GDI2: variants seen among roughly 807,000 people sequenced by gnomAD.
GDI2 encodes the protein GDP dissociation inhibitor 2.
In GDI2, 22 loss-of-function variants were observed where a neutral mutation model predicts 54.2. That is an observed-to-expected ratio of 0.41 (90% CI 0.29 to 0.58). GDI2 has a LOEUF of 0.58. Among genes scored for constraint, GDI2 ranks in the 20% least tolerant of loss-of-function variants. GDI2 has a pLI of 0.35. For synonymous variants in GDI2, 177 were observed against 182.1 expected (o/e 0.97, Z 0.23); for missense variants, 422 against 546.0 (o/e 0.77, Z 2.26).
intron 6 of GDI2, among the ~76,000 whole-genome samples, chr10:5,781,431 T>A (rs1446921551): frequency 6.7e-6 from 1 of 150,258 alleles, no homozygotes; most frequent in African/African-American, 2.5e-5. Context: ...ATCGACACCA[T>A]CCCGGCTAAC....
At chr10:5,803,478 A>G (rs1172519549) in intron 1 of GDI2, among the ~76,000 whole-genome samples, 1 of 152,198 alleles carries the variant, frequency 6.6e-6, no homozygotes, top group Non-Finnish European at 1.5e-5. Flanking sequence ...GTTAACATGT[A>G]ATCGGTTTAT....
intron 2 of GDI2, among the ~76,000 whole-genome samples, chr10:5,798,519 G>A (rs2131712334): frequency 6.6e-6 from 1 of 151,792 alleles, no homozygotes; most frequent in Non-Finnish European, 1.5e-5. Context: ...AGCCTAGGAG[G>A]TGGAGGTTGC....
chr10:5,791,276 G>A (rs1370071815), intron 4 of GDI2, among the ~76,000 whole-genome samples: 1 of 152,132 alleles, frequency 6.6e-6, no homozygotes, highest in Admixed American at 6.5e-5. Flanking sequence ...GCCAGAGCAA[G>A]AGTGAGACCC....
chr10:5,780,057 A>C (rs1431571223), intron 6 of GDI2, among the ~76,000 whole-genome samples: 2 of 152,044 alleles, frequency 1.3e-5, no homozygotes, highest in Non-Finnish European at 2.9e-5. Context: ...CAAAATACAA[A>C]AGTTAGCCAG....
At chr10:5,809,244 C>CAAAAAAAAAACAA (rs1554791052) in intron 1 of GDI2, among the ~76,000 whole-genome samples, 2 of 134,170 alleles carry the variant, frequency 1.5e-5, no homozygotes, top group African/African-American at 2.8e-5. Flanking sequence ...GACTCCATCT[C>CAAAAAAAAAACAA]AAAAAAAAAC....
chr10:5,800,727 T>C (rs748250280), intron 1 of GDI2, 22 bp from the exon 2 acceptor site: 8 of 1,195,774 alleles, frequency 6.7e-6, no homozygotes, highest in Non-Finnish European at 1.0e-5. Context: ...GCATAGTACC[T>C]TGAAAAGAAA....
chr10:5,772,635 T>C (rs979623840), intron 7 of GDI2, among the ~76,000 whole-genome samples: 4 of 152,118 alleles, frequency 2.6e-5, no homozygotes, highest in African/African-American at 9.7e-5. Flanking sequence ...CATGCATCTG[T>C]AATTCCAGCT....
At chr10:5,775,249 C>CT (rs1378561266) in intron 6 of GDI2, among the ~76,000 whole-genome samples, 3 of 152,022 alleles carry the variant, frequency 2.0e-5, no homozygotes, top group African/African-American at 7.2e-5. Context: ...GATCACACCA[C>CT]TGCACTCCAG....
intron 1 of GDI2, 76 bp from the exon 2 acceptor site, chr10:5,800,781 C>A: frequency 2.6e-6 from 2 of 771,310 alleles, no homozygotes; most frequent in Admixed American, 1.7e-5. Context: ...TCAAGCCTGC[C>A]ATTACACATT....
At chr10:5,812,286 G>A (rs946535487) in intron 1 of GDI2, among the ~76,000 whole-genome samples, 1 of 151,166 alleles carries the variant, frequency 6.6e-6, no homozygotes, top group Non-Finnish European at 1.5e-5. Flanking sequence ...AGTTCCCTTA[G>A]AAACAGATAA....
intron 1 of GDI2, among the ~76,000 whole-genome samples, chr10:5,808,156 G>A (rs1295784364): frequency 1.3e-5 from 2 of 151,964 alleles, no homozygotes; most frequent in Non-Finnish European, 2.9e-5. Flanking sequence ...GGACAACATG[G>A]CAAAACCCCA....
chr10:5,792,030 A>G (rs555968220), intron 4 of GDI2, among the ~76,000 whole-genome samples: 3 of 152,380 alleles, frequency 2.0e-5, no homozygotes, highest in African/African-American at 7.2e-5. Flanking sequence ...AGAGATCTAG[A>G]TAGCATATTA....
At chr10:5,767,223 T>C (rs1840364281) in intron 8 of GDI2, among the ~76,000 whole-genome samples, 1 of 152,066 alleles carries the variant, frequency 6.6e-6, no homozygotes, top group Non-Finnish European at 1.5e-5. Context: ...ACCTCCTTTA[T>C]TCTTTTCAGA....
rs745307728 is a variant in GDI2, at chr10:5,795,033, A to G, written c.254-14T>C. 2.0e-6 allele frequency: 3 copies of G among 1,529,450 alleles called. No individual in the cohort carries two copies. The highest frequency in any genetic ancestry group is 2.2e-5 in the East Asian group (1 of 44,460). The allele number at this position is 1,529,450 out of a possible 1,614,324, so 94.7% of individuals were successfully genotyped here. ...TAACCAGCTGACCTAGAAAAGTCACATAATTCAAACTATAACTTAAGTCTA... is the reference window on the plus strand; with the variant it reads ...TAACCAGCTGACCTAGAAAAGTCACGTAATTCAAACTATAACTTAAGTCTA... On this transcript the variant is annotated splice_polypyrimidine_tract_variant and intron_variant, in intron 3 of 10. Coordinates refer to ENST00000380191, the MANE Select transcript of GDI2 (RefSeq NM_001494.4).
intron 2 of GDI2, among the ~76,000 whole-genome samples, 156 bp from the exon 3 acceptor site, chr10:5,797,018 G>A (rs1369553506): frequency 6.6e-6 from 1 of 152,074 alleles, no homozygotes; most frequent in Non-Finnish European, 1.5e-5. Context: ...AAAATTTTTA[G>A]CAAGGTCCAA....
intron 1 of GDI2, among the ~76,000 whole-genome samples, chr10:5,807,382 A>G (rs903991802): frequency 2.2e-4 from 33 of 152,230 alleles, no homozygotes; most frequent in African/African-American, 7.5e-4. Flanking sequence ...TTCACACTAG[A>G]AAAGCTGGTC....
intron 2 of GDI2, among the ~76,000 whole-genome samples, chr10:5,799,006 T>C (rs1031990966): frequency 4.0e-5 from 6 of 150,964 alleles, no homozygotes; most frequent in African/African-American, 1.5e-4. Context: ...TAAAACAAAA[T>C]TAAGAAAAGA....
chr10:5,772,667 G>T (rs113649032), intron 7 of GDI2, among the ~76,000 whole-genome samples: 1 of 152,146 alleles, frequency 6.6e-6, no homozygotes, highest in Non-Finnish European at 1.5e-5. Context: ...TGAGGTAGGA[G>T]AATCACTTGA....
At chr10:5,785,445 G>C (rs1479402273) in intron 5 of GDI2, among the ~76,000 whole-genome samples, 172 bp from the exon 6 acceptor site, 1 of 152,044 alleles carries the variant, frequency 6.6e-6, no homozygotes, top group Non-Finnish European at 1.5e-5. Flanking sequence ...TGCAATCTCG[G>C]CTCCCCACAA....
Sources: gnomAD v4.1 joint callset for allele counts (sites outside exome capture counted in the v4.1 genomes callset) on GRCh38, gnomAD v4.1.1 for gene constraint, MANE v1.5 for transcripts, NCBI Gene and HGNC (gene_info 2026-07-23, HGNC 2026-07-21) for gene names.